SMARCA1: variants seen among roughly 807,000 people sequenced by gnomAD.
SMARCA1 encodes SNF2 related chromatin remodeling ATPase 1.
Under a neutral mutation model 93.6 loss-of-function variants are expected in SMARCA1, and 17 were observed. That is an observed-to-expected ratio of 0.18 (90% confidence interval 0.12 to 0.27). The LOEUF is 0.27. SMARCA1 is among the 10% of genes least tolerant of loss of function. SMARCA1 has a pLI of 1.00. For missense variants in SMARCA1, 630 were observed against 819.0 expected (o/e 0.77, Z 2.82); for synonymous variants, 271 against 271.4 (o/e 1.00, Z 0.01).
chrX:129,466,728 A>G (rs1188036593), intron 21 of SMARCA1, among the ~76,000 whole-genome samples: 4 of 110,141 alleles, frequency 3.6e-5, no homozygotes, highest in Admixed American at 9.8e-5. Flanking sequence ...TGGAGCAGCC[A>G]TTTCTCTTGA....
Position 129,465,573 on chromosome X carries a change from G to T in SMARCA1, c.2977C>A (p.Arg993=), listed in dbSNP as rs1381508132. ...TCAAATCTAAACTGGGGAGCATTTC[G>T]TACACACTGTCTTAATTCTTCATAT... ...NVYEELRQCV[R]NAPQFRFDWF... Residue 993 remains arginine, a synonymous_variant, in exon 23 of 25, where the codon CGA becomes AGA. Coordinates refer to ENST00000371121, the MANE Select transcript of SMARCA1 (RefSeq NM_001282874.2). 9 of 1,205,617 alleles carry T rather than the reference G, an allele frequency of 7.5e-6. No homozygotes were observed. The East Asian group carries it at 2.7e-4, about 36-fold the overall frequency.
chrX:129,515,653 A>C, intron 5 of SMARCA1, 34 bp downstream of exon 5: 1 of 964,454 alleles, frequency 1.0e-6, no homozygotes, highest in Non-Finnish European at 1.5e-6. Flanking sequence ...ATCATTGATA[A>C]CTGAGAATGT....
intron 1 of SMARCA1, among the ~76,000 whole-genome samples, chrX:129,522,659 A>G (rs1347101222): frequency 6.3e-5 from 7 of 111,439 alleles, no homozygotes; most frequent in Non-Finnish European, 9.4e-5. Context: ...AATGAAAGAA[A>G]GAAATGTCTT....
intron 23 of SMARCA1, among the ~76,000 whole-genome samples, 189 bp downstream of exon 23, chrX:129,465,331 T>C (rs1932882772): frequency 8.9e-6 from 1 of 111,846 alleles, no homozygotes. Flanking sequence ...CCGTATTTTT[T>C]AATACAAAAT....
At chrX:129,453,836 G>A (rs1932437644) in intron 23 of SMARCA1, among the ~76,000 whole-genome samples, 2 of 111,666 alleles carry the variant, frequency 1.8e-5, no homozygotes, top group African/African-American at 6.5e-5. Flanking sequence ...TGGATAGGAA[G>A]AATCTATATC....
At chrX:129,473,951 G>A (rs1370802030) in intron 19 of SMARCA1, among the ~76,000 whole-genome samples, 3 of 111,652 alleles carry the variant, frequency 2.7e-5, no homozygotes, top group African/African-American at 6.5e-5. Context: ...CTATGTAAAT[G>A]TTACTTTAAA....
chrX:129,478,432 A>C (rs1933488895), intron 19 of SMARCA1, among the ~76,000 whole-genome samples: 1 of 111,922 alleles, frequency 8.9e-6, no homozygotes, highest in Non-Finnish European at 1.9e-5. Context: ...AATAAGGTGC[A>C]ATAGCACGAA....
At chrX:129,496,897 G>A in intron 11 of SMARCA1, 26 bp from the exon 12 acceptor site, 1 of 1,180,747 alleles carries the variant, frequency 8.5e-7, no homozygotes, top group African/African-American at 1.8e-5. Flanking sequence ...AAGAAAAAGT[G>A]AGTTGTACAA....
At chrX:129,483,933 A>C (rs1301335877) in intron 17 of SMARCA1, among the ~76,000 whole-genome samples, 1 of 112,124 alleles carries the variant, frequency 8.9e-6, no homozygotes, top group Non-Finnish European at 1.9e-5. Flanking sequence ...GATAATTTAA[A>C]CCTATTTTAA....
chrX:129,448,158 A>G (rs887527123), intron 24 of SMARCA1, 175 bp downstream of exon 24: 5 of 474,189 alleles, frequency 1.1e-5, no homozygotes, highest in African/African-American at 9.7e-5. Flanking sequence ...TGTTCTACAA[A>G]CAAATAAGAA....
intron 20 of SMARCA1, among the ~76,000 whole-genome samples, chrX:129,470,827 C>G (rs1215033339): frequency 1.8e-5 from 2 of 111,640 alleles, no homozygotes; most frequent in South Asian, 7.5e-4. Context: ...TCAGATCGCA[C>G]CACTGCACTC....
Position 129,481,166 on chromosome X carries a change from A to G in SMARCA1, c.2237T>C (p.Ile746Thr), listed in dbSNP as rs1488259137. Residue 746 changes from isoleucine (I) to threonine (T), a missense_variant, in exon 18 of 25, where the codon ATT becomes ACT. Ile to Thr is a moderately conservative substitution (Grantham distance 89, BLOSUM62 -1). Transcript: ENST00000371121. ...TTTGCGTTCTCGTTTAGGAGGTTCA[A>G]TCCATTCCACCATGCCAAGCTATAC... ...EKQKLGMVEW[I>T]EPPKRERKAN... 3 of 1,193,374 alleles carry G rather than the reference A, an allele frequency of 2.5e-6. No homozygotes were observed. The African/African-American group carries it at 5.3e-5, about 21-fold the overall frequency.
In SMARCA1 at chrX:129,523,283, C is replaced by T. The variant is rs778380103; in HGVS notation, c.88G>A (p.Gly30Arg). 1.7e-6 allele frequency: 2 copies of T among 1,207,176 alleles called. No individual in the cohort carries two copies. Among genetic ancestry groups the T allele is most frequent in the East Asian group, 5.9e-5 (2 of 33,656 alleles). Residue 30 changes from glycine (G) to arginine (R), a missense_variant, in exon 1 of 25, where the codon GGG becomes AGG. Physicochemically the swap from Gly to Arg is moderately radical, Grantham distance 125. Transcript: ENST00000371121. ...CCCTCCTCCTGAGAGGTGGACGGCC[C>T]GGGCTGCTCGTCCTCTATGACCACG... ...TIVVIEDEQP[G>R]PSTSQEEGAA...
chrX:129,466,837 T>TAAA (rs35808392), intron 21 of SMARCA1, among the ~76,000 whole-genome samples: 4 of 81,061 alleles, frequency 4.9e-5, no homozygotes, highest in East Asian at 3.7e-4. Flanking sequence ...CCTTTTCTCA[T>TAAA]AAAAAAAAAA....
At chrX:129,516,808 C>T (rs1452728044) in intron 2 of SMARCA1, among the ~76,000 whole-genome samples, 1 of 111,418 alleles carries the variant, frequency 9.0e-6, no homozygotes, top group Non-Finnish European at 1.9e-5. Context: ...AAGAAATACC[C>T]TTCTTAAAGA....
intron 16 of SMARCA1, 128 bp from the exon 17 acceptor site, chrX:129,487,265 A>G: frequency 2.3e-6 from 1 of 429,855 alleles, no homozygotes; most frequent in East Asian, 4.2e-5. Context: ...CAAGGTATGA[A>G]TGCAATGCTA....
Position 129,499,802 on chromosome X carries a change from C to T in SMARCA1, c.1207G>A (p.Val403Ile). ...TTTTTAGGTGGCAGACTCTTCTCTA[C>T]ATCAGTTTTTATACGGCGTAACAAA... Reference protein sequence around the residue: ...PFLLRRIKTDVEKSLPPKKEI... With the variant: ...PFLLRRIKTDIEKSLPPKKEI... The change falls in exon 10 of 25, where the codon GTA (valine) becomes ATA (isoleucine). Residue 403 changes from valine (V) to isoleucine (I), a missense_variant. Transcript: ENST00000371121. The T allele has an allele frequency of 8.5e-7, 1 of 1,182,262 alleles. No individual in the cohort carries two copies.
At chrX:129,494,075 A>G (rs1359969217) in intron 12 of SMARCA1, among the ~76,000 whole-genome samples, 3 of 112,340 alleles carry the variant, frequency 2.7e-5, no homozygotes, top group African/African-American at 9.7e-5. Context: ...CTATATTTAA[A>G]GTCAATACAT....
intron 18 of SMARCA1, 39 bp downstream of exon 18, chrX:129,481,036 C>T (rs982789997): frequency 2.3e-6 from 2 of 863,273 alleles, no homozygotes; most frequent in South Asian, 2.2e-5. Flanking sequence ...CAACAGAAAT[C>T]TACTTTAGGA....
Sources: gnomAD v4.1 joint callset for allele counts (sites outside exome capture counted in the v4.1 genomes callset) on GRCh38, gnomAD v4.1.1 for gene constraint, MANE v1.5 for transcripts, NCBI Gene and HGNC (gene_info 2026-07-23, HGNC 2026-07-21) for gene names.